The following NOP56 variants were observed in gnomAD, a reference collection of about 807,000 sequenced individuals.
The protein encoded by NOP56 is nucleolar protein 56.
In NOP56, 31 loss-of-function variants were observed where a neutral mutation model predicts 58.3. That is an observed-to-expected ratio of 0.53 (90% CI 0.40 to 0.72). The LOEUF (loss-of-function observed/expected upper bound fraction) is 0.72, where lower values mean the gene tolerates loss of function less well. Ranked by LOEUF, NOP56 falls within the 30% of genes least tolerant of loss-of-function variation. NOP56 has a pLI of 0.00. For synonymous variants in NOP56, 313 were observed against 282.8 expected (o/e 1.11, Z -1.07); for missense variants, 669 against 739.9 (o/e 0.90, Z 1.11).
At chr20:2,657,324 G>T (rs1450821889) in intron 11 of NOP56, 106 bp downstream of exon 11, 1 of 1,518,208 alleles carries the variant, frequency 6.6e-7, no homozygotes, top group Admixed American at 1.7e-5. Context: ...CAGGCTTTTG[G>T]ACTGAAACAA....
intron 11 of NOP56, chr20:2,657,596 A>G: frequency 2.0e-6 from 1 of 502,992 alleles, no homozygotes; most frequent in South Asian, 2.3e-5. Flanking sequence ...AGCTACAATC[A>G]TTCTCCCTGA....
intron 2 of NOP56, 39 bp downstream of exon 2, chr20:2,652,970 A>G: frequency 6.6e-7 from 1 of 1,521,200 alleles, no homozygotes; most frequent in Non-Finnish European, 8.9e-7. Flanking sequence ...GGCCCCGCAG[A>G]CCCTCATCGC....
chr20:2,657,769 A>G lies in NOP56; in HGVS notation c.1420-160A>G, dbSNP rs552427931. ...ACATGTTTTCCTTCTAATTTGGGAC[A>G]GCCTTTGGGGTGGATTTCTAAAGTT... On this transcript the variant is annotated intron_variant, in intron 11 of 11. Transcript: ENST00000329276. 72 of 758,920 alleles carry G rather than the reference A, an allele frequency of 9.5e-5. No homozygotes were observed. In the South Asian group the frequency reaches 1.7e-3, roughly 18 times the overall value. 47.0% of individuals were successfully genotyped at this position (758,920 alleles called of 1,614,324 possible). A position where few individuals can be genotyped will look rare whatever the true frequency, so the allele number is the denominator to read the frequency against.
rs111978124 is a variant in NOP56, at chr20:2,653,426, A to T, written c.208+33A>T. The T allele has an allele frequency of 0.01, 16,066 of 1,565,766 alleles. 1,255 individuals are homozygous for T. In the African/African-American group the frequency reaches 0.18, roughly 18 times the overall value. On this transcript the variant is annotated intron_variant, in intron 3 of 11. Transcript: ENST00000329276. ...GGCCACCGCCAAGTGTCACAGAGAG[A>T]TGTGGTTCCTTTCGGTATCCTCTCG...
chr20:2,658,294 G>C lies in NOP56; in HGVS notation c.1785G>C (p.Ter595TyrextTer17). 10 of 1,597,596 alleles carry C rather than the reference G, an allele frequency of 6.3e-6. No individual in the cohort carries two copies. The highest frequency in any genetic ancestry group is 8.5e-6 in the Non-Finnish European group (10 of 1,172,066). The change falls in exon 12 of 12, where the codon TAG (stop) becomes TAC (tyrosine). Residue 595 changes from the stop codon to tyrosine, a stop_lost. Coordinates refer to ENST00000329276, the MANE Select transcript of NOP56 (RefSeq NM_006392.4). ...KKFHKASQED[*>Y] The stretch of plus-strand genomic sequence containing the variant: ...TCCATAAAGCATCCCAGGAAGATTA[G>C]AATGCAAATGGACATTCTCTGGGAG...
chr20:2,654,471 A>G lies in NOP56; in HGVS notation c.266A>G (p.Lys89Arg), dbSNP rs1600156646. ...LLETHLPSKK[K>R]KVLLGVGDPK... ...GAGACCCACCTGCCGTCCAAAAAGA[A>G]GAAAGTACTCTTGGGAGTTGGGGAT... is the stretch of plus-strand genomic sequence containing the variant. The change falls in exon 4 of 12, where the codon AAG becomes AGG. Residue 89 changes from lysine (K) to arginine (R), a missense_variant. Physicochemically the swap from Lys to Arg is conservative, Grantham distance 26. This residue lies in a region of NOP56 where 121 missense variants were observed against 113.1 expected (regional missense o/e 1.07). Coordinates refer to ENST00000329276, the MANE Select transcript of NOP56 (RefSeq NM_006392.4). The G allele has an allele frequency of 6.2e-7, 1 of 1,614,226 alleles. No individual in the cohort carries two copies. Among genetic ancestry groups the G allele is most frequent in the Non-Finnish European group, 8.5e-7 (1 of 1,180,040 alleles).
At chr20:2,655,154 G>GC in intron 5 of NOP56, 171 bp from the exon 6 acceptor site, 1 of 1,055,710 alleles carries the variant, frequency 9.5e-7, no homozygotes, top group Non-Finnish European at 1.5e-6. Flanking sequence ...ATACACCTCA[G>GC]CTCAGGCCCT....
chr20:2,657,026 G>C, intron 10 of NOP56, 55 bp from the exon 11 acceptor site: 1 of 1,614,048 alleles, frequency 6.2e-7, no homozygotes, highest in Non-Finnish European at 8.5e-7. Flanking sequence ...AGCCAGAAAG[G>C]AGTCCTCAGA....
rs1235400983 is a variant in NOP56 at position 2,654,426 on chromosome 20, A to G, written c.221A>G (p.Glu74Gly). The G allele has an allele frequency of 2.5e-6, 4 of 1,614,136 alleles. No homozygotes were observed. Among genetic ancestry groups the G allele is most frequent in the East Asian group, 2.2e-5 (1 of 44,878 alleles). ...TCTTTCCCCTGAGGGGTTGTTCATGAGGACCTCCGCCTGCTCTTGGAGACC... is the reference window on the plus strand; with the variant it reads ...TCTTTCCCCTGAGGGGTTGTTCATGGGGACCTCCGCCTGCTCTTGGAGACC... Reference protein sequence around the residue: ...ANAVSEGVVHEDLRLLLETHL... With the variant: ...ANAVSEGVVHGDLRLLLETHL... Residue 74 changes from glutamate to glycine, a missense_variant, in exon 4 of 12, where the codon GAG becomes GGG. Glu to Gly is a moderately conservative substitution (Grantham distance 98). Transcript: ENST00000329276.
In NOP56 at chr20:2,655,510, T is replaced by C; in HGVS notation, c.755T>C (p.Met252Thr). 1 of 1,614,186 alleles carries C rather than the reference T, an allele frequency of 6.2e-7. No homozygotes were observed. Among genetic ancestry groups the C allele is most frequent in the South Asian group, 1.1e-5 (1 of 91,082 alleles). ...KAILDASRSS[M>T]GMDISAIDLI... ...ATTCTGGATGCCTCACGGTCCTCCATGGGTCAGTGCAGAGCCTGGCAACCT... is the reference window on the plus strand; with the variant it reads ...ATTCTGGATGCCTCACGGTCCTCCACGGGTCAGTGCAGAGCCTGGCAACCT... The change falls in exon 6 of 12, where the codon ATG becomes ACG. Residue 252 changes from methionine to threonine, a missense_variant and splice_region_variant. Coordinates refer to ENST00000329276, the MANE Select transcript of NOP56 (RefSeq NM_006392.4).
Position 2,656,793 on chromosome 20 carries a change from C to G in NOP56, c.1179C>G (p.Phe393Leu). The G allele has an allele frequency of 5.0e-6, 8 of 1,614,042 alleles. No homozygotes were observed. Among genetic ancestry groups the G allele is most frequent in the Non-Finnish European group, 6.8e-6 (8 of 1,180,024 alleles). ...ATCCAGAGGTGCCCACGAGTGTATT[C>G]GGGGAGAAGCTTCGAGAACAAGTTG... ...DCFSEVPTSV[F>L]GEKLREQVEE... The change falls in exon 10 of 12, where the codon TTC (phenylalanine) becomes TTG (leucine). Residue 393 changes from phenylalanine (F) to leucine (L), a missense_variant. Around this residue, in one of 3 missense-constraint regions of NOP56, gnomAD observed 339 missense variants for 430.5 expected, o/e 0.79. Coordinates refer to ENST00000329276, the MANE Select transcript of NOP56 (RefSeq NM_006392.4).
rs752982973 is a variant in NOP56, at chr20:2,653,271, C to G, written c.94-8C>G. 3 of 1,605,948 alleles carry G rather than the reference C, an allele frequency of 1.9e-6. No individual in the cohort carries two copies. The highest frequency in any genetic ancestry group is 2.6e-6 in the Non-Finnish European group (3 of 1,172,596). On this transcript the variant is annotated splice_polypyrimidine_tract_variant and splice_region_variant and intron_variant, in intron 2 of 11. Coordinates refer to ENST00000329276, the MANE Select transcript of NOP56 (RefSeq NM_006392.4). Reference sequence around the variant, plus strand: ...GAAGGAAACCACTTAGCCTCTTTCTCCCCCCAGGTGGAGGAGTCTGTGCTC... The same window carrying G: ...GAAGGAAACCACTTAGCCTCTTTCTGCCCCCAGGTGGAGGAGTCTGTGCTC...
intron 3 of NOP56, 69 bp downstream of exon 3, chr20:2,653,462 G>C: frequency 7.6e-7 from 1 of 1,318,112 alleles, no homozygotes; most frequent in Non-Finnish European, 1.1e-6. Context: ...GGCAGCTTGT[G>C]ATAGTATTTG....
intron 11 of NOP56, 62 bp from the exon 12 acceptor site, chr20:2,657,867 T>G: frequency 6.6e-7 from 1 of 1,508,384 alleles, no homozygotes; most frequent in South Asian, 1.4e-5. Flanking sequence ...CCTTGGCTAC[T>G]TAATTGCTGA....
Position 2,656,053 on chromosome 20 carries a change from GC to G in NOP56, c.1010+22del. ...TGTTCAGGTACCAGTGAGGGCACCTGCCCACAATCAGGTGCCACTTCTGGTG... is the reference window on the plus strand; with the variant it reads ...TGTTCAGGTACCAGTGAGGGCACCTGCCACAATCAGGTGCCACTTCTGGTG... On this transcript the variant is annotated intron_variant, in intron 8 of 11. Transcript: ENST00000329276. 6.2e-7 allele frequency: 1 copy of G among 1,614,088 alleles called. No homozygotes were observed. Among genetic ancestry groups the G allele is most frequent in the South Asian group, 1.1e-5 (1 of 91,082 alleles).
rs374043080 is a variant in NOP56 at position 2,657,177 on chromosome 20, G to A, written c.1378G>A (p.Ala460Thr). 12 of 1,614,006 alleles carry A rather than the reference G, an allele frequency of 7.4e-6. No homozygotes were observed. Among genetic ancestry groups the A allele is most frequent in the East Asian group, 2.2e-5 (1 of 44,892 alleles). ...EKKRLAALAL[A>T]SSENSSSTPE... ...GAAACGGCTGGCTGCACTTGCCCTC[G>A]CGTCTTCAGAAAACAGCAGTAGTAC... Residue 460 changes from alanine to threonine, a missense_variant, in exon 11 of 12, where the codon GCG becomes ACG. Physicochemically the swap from Ala to Thr is moderately conservative, Grantham distance 58. This residue lies in a region of NOP56 where 209 missense variants were observed against 196.2 expected (regional missense o/e 1.07). Transcript: ENST00000329276.
At position 2,652,961 on chromosome 20, in the gene NOP56, G is replaced by T. The variant is rs755183439; in HGVS notation, c.93+30G>T. ...GTGAGATCCGTGGGCTCCTTTGGCG[G>T]CCCCGCAGACCCTCATCGCGCGGGT... is the stretch of plus-strand genomic sequence containing the variant. On this transcript the variant is annotated intron_variant, in intron 2 of 11. Transcript: ENST00000329276. The T allele has an allele frequency of 3.2e-6, 5 of 1,547,382 alleles. No homozygotes were observed. In the East Asian group the frequency reaches 9.5e-5, roughly 29 times the overall value.
Position 2,658,386 on chromosome 20 carries a change from T to C in NOP56, c.*92T>C. On this transcript the variant is annotated 3_prime_UTR_variant, in exon 12 of 12. Coordinates refer to ENST00000329276, the MANE Select transcript of NOP56 (RefSeq NM_006392.4). ...GCCGTGTTCCCCAATAAAAACAAAT[T>C]CACAAGAGTTGGTTCATGTTCTTTA... 1 of 1,611,194 alleles carries C rather than the reference T, an allele frequency of 6.2e-7. No homozygotes were observed. Among genetic ancestry groups the C allele is most frequent in the Non-Finnish European group, 8.5e-7 (1 of 1,178,716 alleles).
At position 2,652,881 on chromosome 20, in the gene NOP56, G is replaced by T. The variant is rs780331371; in HGVS notation, c.43G>T (p.Ala15Ser). ...HVLFEHAVGYALLALKEVEEI... is the reference protein window; with the variant it reads ...HVLFEHAVGYSLLALKEVEEI... ...GCTGTTTGAGCACGCGGTCGGCTAC[G>T]CGCTGCTGGCGCTGAAGGAAGTGGA... The change falls in exon 2 of 12, where the codon GCG becomes TCG. Residue 15 changes from alanine (A) to serine (S), a missense_variant. Physicochemically the swap from Ala to Ser is moderately conservative, Grantham distance 99. This residue lies in a region of NOP56 where 121 missense variants were observed against 113.1 expected (regional missense o/e 1.07). Coordinates refer to ENST00000329276, the MANE Select transcript of NOP56 (RefSeq NM_006392.4). The T allele has an allele frequency of 6.2e-7, 1 of 1,610,972 alleles. No homozygotes were observed.
Sources: allele counts gnomAD v4.1 joint callset, GRCh38; gene constraint gnomAD v4.1.1; regional missense constraint gnomAD v4.1.1; transcripts MANE v1.5; gene names NCBI Gene and HGNC (gene_info 2026-07-23, HGNC 2026-07-21).